The following YARS2 variants were observed in gnomAD, a reference collection of about 807,000 sequenced individuals.
YARS2 encodes the protein tyrosine--tRNA ligase, mitochondrial.
Under a neutral mutation model 45.0 loss-of-function variants are expected in YARS2, and 38 were observed. The observed-to-expected ratio is 0.84, with a 90% confidence interval of 0.65 to 1.11. YARS2 has a LOEUF of 1.11. Among genes scored for constraint, YARS2 ranks in the 50% least tolerant of loss-of-function variants. The probability of loss-of-function intolerance (pLI) is 0.00; values close to 1 mark genes in which losing one functional copy is unlikely to be tolerated. For synonymous variants in YARS2, 287 were observed against 245.1 expected (o/e 1.17, Z -1.60); for missense variants, 602 against 599.8 (o/e 1.00, Z -0.04).
At chr12:32,753,806 CAG>C (rs1476113177) in intron 2 of YARS2, 110 bp downstream of exon 2, 10 of 1,389,814 alleles carry the variant, frequency 7.2e-6, no homozygotes, top group African/African-American at 7.1e-5. Flanking sequence ...TATGTACAGA[CAG>C]AAACTACGTT....
At chr12:32,749,539 T>A (rs1343981263) in intron 4 of YARS2, among the ~76,000 whole-genome samples, 2 of 152,194 alleles carry the variant, frequency 1.3e-5, no homozygotes, top group Admixed American at 1.3e-4. Flanking sequence ...TAAAGCACTA[T>A]CAGGAAAACA....
intron 1 of YARS2, 132 bp downstream of exon 1, chr12:32,754,964 G>T: frequency 8.8e-7 from 1 of 1,132,288 alleles, no homozygotes. Flanking sequence ...CGCCATTATA[G>T]AGCCTTAATG....
intron 4 of YARS2, 21 bp from the exon 5 acceptor site, chr12:32,747,384 G>C: frequency 6.2e-7 from 1 of 1,611,912 alleles, no homozygotes; most frequent in Non-Finnish European, 8.5e-7. Context: ...GAAACGTTTA[G>C]TAAGTAGAGA....
intron 2 of YARS2, 65 bp downstream of exon 2, chr12:32,753,853 A>G: frequency 1.9e-6 from 3 of 1,596,092 alleles, no homozygotes; most frequent in Non-Finnish European, 2.6e-6. Flanking sequence ...ACATAGATTC[A>G]ATGGCTAAAA....
chr12:32,749,143 T>G (rs1161365795), intron 4 of YARS2, among the ~76,000 whole-genome samples: 1 of 152,246 alleles, frequency 6.6e-6, no homozygotes, highest in Non-Finnish European at 1.5e-5. Context: ...ACTTGCGGTT[T>G]TGGCCATTAT....
Position 32,747,303 on chromosome 12 carries a change from C to G in YARS2, c.1335G>C (p.Glu445Asp), listed in dbSNP as rs1955658789. The stretch of plus-strand genomic sequence containing the variant: ...TATGTTGTCCAACAATTAAAACACT[C>G]TCAGGATTTGTTACTTGTTGGTGAT... ...SINHQQVTNPESVLIVGQHIL... is the reference protein window; with the variant it reads ...SINHQQVTNPDSVLIVGQHIL... The change falls in exon 5 of 5, where the codon GAG (glutamate) becomes GAC (aspartate). Residue 445 changes from glutamate (E) to aspartate (D), a missense_variant. By Grantham distance (45) the Glu-to-Asp change is conservative. Coordinates refer to ENST00000324868, the MANE Select transcript of YARS2 (RefSeq NM_001040436.3). The G allele has an allele frequency of 6.2e-7, 1 of 1,613,990 alleles. No individual in the cohort carries two copies. Among genetic ancestry groups the G allele is most frequent in the Non-Finnish European group, 8.5e-7 (1 of 1,180,012 alleles).
intron 3 of YARS2, among the ~76,000 whole-genome samples, chr12:32,750,395 GT>G (rs1422682466): frequency 6.6e-6 from 1 of 152,072 alleles, no homozygotes; most frequent in Admixed American, 6.5e-5. Context: ...AGAGATGGGG[GT>G]TTCACCATGT....
intron 1 of YARS2, 48 bp downstream of exon 1, chr12:32,755,048 T>C: frequency 6.2e-7 from 1 of 1,609,584 alleles, no homozygotes. Flanking sequence ...GCTACTAGTG[T>C]GTAAATTATT....
intron 4 of YARS2, 111 bp from the exon 5 acceptor site, chr12:32,747,474 A>C: frequency 9.1e-7 from 1 of 1,097,430 alleles, no homozygotes; most frequent in Non-Finnish European, 1.4e-6. Context: ...AGAAGATTTC[A>C]TTTGGCACTG....
chr12:32,753,970 G>C lies in YARS2; in HGVS notation c.895C>G (p.Pro299Ala), dbSNP rs776972394. 3 of 1,614,158 alleles carry C rather than the reference G, an allele frequency of 1.9e-6. No individual in the cohort carries two copies. The highest frequency in any genetic ancestry group is 3.3e-5 in the Admixed American group (2 of 60,018). Residue 299 changes from proline to alanine, a missense_variant, in exon 2 of 5, where the codon CCA becomes GCA. Physicochemically the swap from Pro to Ala is conservative, Grantham distance 27 (BLOSUM62 -1). Coordinates refer to ENST00000324868, the MANE Select transcript of YARS2 (RefSeq NM_001040436.3). ...AVWLNRDKTS[P>A]FELYQFFVRQ... ...ACAAAGAATTGATACAATTCAAATG[G>C]AGATGTCTTATCTCTGTTTAGCCAA...
At chr12:32,749,072 A>G (rs1430358001) in intron 4 of YARS2, among the ~76,000 whole-genome samples, 1 of 152,246 alleles carries the variant, frequency 6.6e-6, no homozygotes, top group African/African-American at 2.4e-5. Flanking sequence ...GCAATTCTCA[A>G]GGGGATTATT....
At chr12:32,755,013 C>T (rs912551763) in intron 1 of YARS2, 83 bp downstream of exon 1, 7 of 1,575,760 alleles carry the variant, frequency 4.4e-6, no homozygotes, top group Non-Finnish European at 6.1e-6. Context: ...AGGGCAGCAA[C>T]TACAATCCTA....
intron 4 of YARS2, among the ~76,000 whole-genome samples, chr12:32,749,203 T>C (rs1565557007): frequency 6.6e-6 from 1 of 152,180 alleles, no homozygotes; most frequent in Admixed American, 6.5e-5. Flanking sequence ...ATAGGTTAGG[T>C]AACCTTTCCC....
chr12:32,747,105 A>G lies in YARS2; in HGVS notation c.*99T>C, dbSNP rs1955654148. ...AGTCCTAGTCCATTCTGTTTTTCTGATTTGCATAAGCAAAGGTCTAAGTTC... is the reference window on the plus strand; with the variant it reads ...AGTCCTAGTCCATTCTGTTTTTCTGGTTTGCATAAGCAAAGGTCTAAGTTC... On this transcript the variant is annotated 3_prime_UTR_variant, in exon 5 of 5. Transcript: ENST00000324868. The G allele has an allele frequency of 4.7e-6, 6 of 1,278,296 alleles. No individual in the cohort carries two copies. The highest frequency in any genetic ancestry group is 6.7e-6 in the Non-Finnish European group (6 of 902,196). The allele number at this position is 1,278,296 out of a possible 1,614,324, so 79.2% of individuals were successfully genotyped here. A position where few individuals can be genotyped will look rare whatever the true frequency, so the allele number is the denominator to read the frequency against.
At position 32,754,994 on chromosome 12, in the gene YARS2, C is replaced by CT. The variant is rs544414027; in HGVS notation, c.779+101dup. On this transcript the variant is annotated intron_variant, in intron 1 of 4. Coordinates refer to ENST00000324868, the MANE Select transcript of YARS2 (RefSeq NM_001040436.3). Reference sequence around the variant, plus strand: ...TTAATGGGGATAAAACCAACAAGAGCTGGAACGAAGGGCAGCAACTACAAT... The same window carrying CT: ...TTAATGGGGATAAAACCAACAAGAGCTTGGAACGAAGGGCAGCAACTACAAT... 1.2e-3 allele frequency: 1,827 copies of CT among 1,477,744 alleles called. 29 individuals are homozygous for CT. The East Asian group carries it at 0.014, about 11-fold the overall frequency. 91.5% of individuals were successfully genotyped at this position (1,477,744 alleles called of 1,614,324 possible). A position where few individuals can be genotyped will look rare whatever the true frequency, so the allele number is the denominator to read the frequency against.
chr12:32,753,850 T>G (rs1292688516), intron 2 of YARS2, 68 bp downstream of exon 2: 2 of 1,593,416 alleles, frequency 1.3e-6, no homozygotes, highest in Admixed American at 3.3e-5. Flanking sequence ...TGTACATAGA[T>G]TCAATGGCTA....
chr12:32,755,400 A>C lies in YARS2; in HGVS notation c.475T>G (p.Phe159Val), dbSNP rs2137663030. The change falls in exon 1 of 5, where the codon TTC becomes GTC. Residue 159 changes from phenylalanine (F) to valine (V), a missense_variant. Transcript: ENST00000324868. ...EALAANHQQL[F>V]TDGRSWGSFT... Reference sequence around the variant, plus strand: ...CTGCCCCAGGAGCGCCCATCAGTGAAAAGCTGCTGGTGATTAGCCGCCAGG... The same window carrying C: ...CTGCCCCAGGAGCGCCCATCAGTGACAAGCTGCTGGTGATTAGCCGCCAGG... 1.2e-6 allele frequency: 2 copies of C among 1,613,814 alleles called. No individual in the cohort carries two copies. Among genetic ancestry groups the C allele is most frequent in the East Asian group, 4.5e-5 (2 of 44,858 alleles).
Position 32,753,934 on chromosome 12 carries a change from C to T in YARS2, c.931G>A (p.Asp311Asn), listed in dbSNP as rs1955795435. The T allele has an allele frequency of 6.2e-7, 1 of 1,614,194 alleles. No homozygotes were observed. Among genetic ancestry groups the T allele is most frequent in the Non-Finnish European group, 8.5e-7 (1 of 1,180,040 alleles). The change falls in exon 2 of 5, where the codon GAC becomes AAC. Residue 311 changes from aspartate to asparagine, a missense_variant. Asp to Asn is a conservative substitution (Grantham distance 23). Coordinates refer to ENST00000324868, the MANE Select transcript of YARS2 (RefSeq NM_001040436.3). ...AGAACTCACCTTTCCACTGAATCGT[C>T]CGGTTGCCTGACAAAGAATTGATAC... ...ELYQFFVRQP[D>N]DSVERYLKLF...
intron 1 of YARS2, 105 bp downstream of exon 1, chr12:32,754,991 G>A: frequency 6.9e-7 from 1 of 1,449,872 alleles, no homozygotes; most frequent in African/African-American, 1.4e-5. Context: ...AAACCAACAA[G>A]AGCTGGAACG....
Sources: gnomAD v4.1 joint callset for allele counts (sites outside exome capture counted in the v4.1 genomes callset) on GRCh38, gnomAD v4.1.1 for gene constraint, MANE v1.5 for transcripts, NCBI Gene and HGNC (gene_info 2026-07-23, HGNC 2026-07-21) for gene names.